PCSK2: variants seen among roughly 807,000 people sequenced by gnomAD.
PCSK2 encodes proprotein convertase subtilisin/kexin type 2, also known as neuroendocrine convertase 2.
A neutral mutation model predicts 69.7 loss-of-function variants in PCSK2; 14 were observed. That is an observed-to-expected ratio of 0.20 (90% confidence interval 0.13 to 0.31). The LOEUF (loss-of-function observed/expected upper bound fraction) is 0.31. Ranked by LOEUF, PCSK2 falls within the 10% of genes least tolerant of loss-of-function variation. The pLI, the probability that PCSK2 is intolerant of heterozygous loss-of-function variation, is 1.00. For synonymous variants in PCSK2, 307 were observed against 320.7 expected (o/e 0.96, Z 0.46); for missense variants, 544 against 842.5 (o/e 0.65, Z 4.39).
chr20:17,451,675 T>C (rs1375145257), intron 8 of PCSK2, among the ~76,000 whole-genome samples: 2 of 152,142 alleles, frequency 1.3e-5, no homozygotes, highest in Admixed American at 6.5e-5. Context: ...TCTTGATGGA[T>C]GGGGCTGCAA....
At chr20:17,333,544 T>C (rs1012020797) in intron 2 of PCSK2, among the ~76,000 whole-genome samples, 8 of 151,990 alleles carry the variant, frequency 5.3e-5, no homozygotes, top group African/African-American at 2.4e-5. Context: ...TCTTGAGGCC[T>C]CCCAACTTGA....
intron 6 of PCSK2, among the ~76,000 whole-genome samples, chr20:17,422,673 T>C (rs1382249490): frequency 6.6e-6 from 1 of 151,698 alleles, no homozygotes; most frequent in Non-Finnish European, 1.5e-5. Flanking sequence ...GAAGATGAGG[T>C]TGAAGTTCAG....
intron 5 of PCSK2, among the ~76,000 whole-genome samples, chr20:17,407,444 A>T (rs935871498): frequency 2.6e-5 from 4 of 152,190 alleles, no homozygotes; most frequent in African/African-American, 9.7e-5. Context: ...AAAAAAAAGT[A>T]TTAACTTGTG....
At chr20:17,458,369 T>G (rs1214891140) in intron 10 of PCSK2, among the ~76,000 whole-genome samples, 2 of 151,968 alleles carry the variant, frequency 1.3e-5, no homozygotes, top group East Asian at 3.9e-4. Flanking sequence ...TAATCCCGAG[T>G]GTAAATTAGG....
At chr20:17,228,866 G>C (rs1184367146) in intron 1 of PCSK2, among the ~76,000 whole-genome samples, 3 of 152,176 alleles carry the variant, frequency 2.0e-5, no homozygotes, top group African/African-American at 4.8e-5. Context: ...GGTGGCGCGC[G>C]GGCGGGTCTT....
intron 2 of PCSK2, among the ~76,000 whole-genome samples, chr20:17,272,108 C>A (rs1258303751): frequency 6.6e-6 from 1 of 152,080 alleles, no homozygotes; most frequent in African/African-American, 2.4e-5. Flanking sequence ...AGTTATCATG[C>A]CCCCTGGACC....
intron 8 of PCSK2, among the ~76,000 whole-genome samples, chr20:17,448,655 T>G (rs890460103): frequency 1.3e-5 from 2 of 152,096 alleles, no homozygotes; most frequent in African/African-American, 4.8e-5. Context: ...ATGGACTAGA[T>G]GCTAGTAAAA....
intron 2 of PCSK2, among the ~76,000 whole-genome samples, chr20:17,294,531 A>G (rs1452843267): frequency 6.6e-6 from 1 of 152,190 alleles, no homozygotes; most frequent in African/African-American, 2.4e-5. Context: ...TGAAGGTTAG[A>G]CAGTTTCATA....
At chr20:17,394,328 G>T (rs2031458440) in intron 5 of PCSK2, among the ~76,000 whole-genome samples, 1 of 152,116 alleles carries the variant, frequency 6.6e-6, no homozygotes, top group Admixed American at 6.5e-5. Flanking sequence ...ATGTGCAAGT[G>T]GTATCAAGTA....
chr20:17,454,743 T>C (rs2032887098), intron 9 of PCSK2, among the ~76,000 whole-genome samples: 1 of 152,156 alleles, frequency 6.6e-6, no homozygotes, highest in Admixed American at 6.5e-5. Context: ...ATGAATTATA[T>C]CCTGACTGGC....
At chr20:17,293,852 GCTT>G (rs1568588438) in intron 2 of PCSK2, among the ~76,000 whole-genome samples, 1 of 152,004 alleles carries the variant, frequency 6.6e-6, no homozygotes, top group Non-Finnish European at 1.5e-5. Context: ...GTTTTTCTGT[GCTT>G]CTTTACAGTT....
intron 2 of PCSK2, among the ~76,000 whole-genome samples, chr20:17,347,832 GAA>G (rs1990696073): frequency 1.6e-5 from 2 of 125,454 alleles, no homozygotes; most frequent in South Asian, 2.6e-4. Context: ...AAGAAAGAAA[GAA>G]AGAAAGAAAG....
At chr20:17,348,250 T>A (rs1157736119) in intron 2 of PCSK2, among the ~76,000 whole-genome samples, 2 of 152,232 alleles carry the variant, frequency 1.3e-5, no homozygotes, top group Non-Finnish European at 2.9e-5. Flanking sequence ...TCACATTTGA[T>A]TTGCTTTGTC....
chr20:17,230,903 T>A (rs542917398), intron 1 of PCSK2, among the ~76,000 whole-genome samples: 1 of 152,368 alleles, frequency 6.6e-6, no homozygotes, highest in South Asian at 2.1e-4. Flanking sequence ...TATTTTATCA[T>A]GACCTGGCCC....
chr20:17,467,992 A>G (rs1013012300), intron 11 of PCSK2, among the ~76,000 whole-genome samples: 1 of 152,224 alleles, frequency 6.6e-6, no homozygotes, highest in African/African-American at 2.4e-5. Context: ...ATGGACAAGC[A>G]TGTGCCCTGG....
At chr20:17,369,481 C>T (rs2030695378) in intron 5 of PCSK2, among the ~76,000 whole-genome samples, 1 of 151,854 alleles carries the variant, frequency 6.6e-6, no homozygotes, top group Non-Finnish European at 1.5e-5. Flanking sequence ...GGAACATACA[C>T]ACACATGCAT....
intron 2 of PCSK2, among the ~76,000 whole-genome samples, chr20:17,343,699 A>G (rs911817287): frequency 6.6e-6 from 1 of 152,244 alleles, no homozygotes; most frequent in African/African-American, 2.4e-5. Context: ...CAATGTAATC[A>G]CGAGTATCCT....
At position 17,409,307 on chromosome 20, in the gene PCSK2, T is replaced by G; in HGVS notation, c.588T>G (p.Pro196=). ...ACTTCAGCAGCAACGACCCCTATCC[T>G]TACCCTCGGTACACAGATGACTGGT... ...SYDFSSNDPY[P]YPRYTDDWFN... Residue 196 remains proline (P), a synonymous_variant, in exon 6 of 12, where the codon CCT becomes CCG. Transcript: ENST00000262545. 1 of 1,613,954 alleles carries G rather than the reference T, an allele frequency of 6.2e-7. No homozygotes were observed. The highest frequency in any genetic ancestry group is 2.2e-5 in the East Asian group (1 of 44,880).
At chr20:17,268,978 G>A (rs1987749997) in intron 2 of PCSK2, among the ~76,000 whole-genome samples, 1 of 152,206 alleles carries the variant, frequency 6.6e-6, no homozygotes, top group South Asian at 2.1e-4. Context: ...GAAGGCAAAG[G>A]TGACTCCTAA....
Sources: allele counts gnomAD v4.1 joint callset (sites outside exome capture counted in the v4.1 genomes callset), GRCh38; gene constraint gnomAD v4.1.1; transcripts MANE v1.5; gene names NCBI Gene and HGNC (gene_info 2026-07-23, HGNC 2026-07-21).